The following PPARGC1A variants were observed in gnomAD, a reference collection of about 807,000 sequenced individuals.
The protein encoded by PPARGC1A is peroxisome proliferator-activated receptor gamma coactivator 1-alpha.
PPARGC1A carries 25 observed loss-of-function variants against 88.7 expected under a neutral mutation model. That is an observed-to-expected ratio of 0.28 (90% CI 0.21 to 0.39). The LOEUF (loss-of-function observed/expected upper bound fraction) is 0.39. PPARGC1A is among the 10% of genes least tolerant of loss of function. The probability of loss-of-function intolerance (pLI) is 1.00; values close to 1 mark genes in which losing one functional copy is unlikely to be tolerated. For synonymous variants in PPARGC1A, 363 were observed against 355.6 expected (o/e 1.02, Z -0.24); for missense variants, 880 against 968.7 (o/e 0.91, Z 1.22).
chr4:24,456,600 C>G, the PPARGC1A span, among the ~76,000 whole-genome samples: 1 of 151,978 alleles, frequency 6.6e-6, no homozygotes. Context: ...CAATCCAAGA[C>G]TAGGATTTTT....
the PPARGC1A span, among the ~76,000 whole-genome samples, chr4:24,359,053 A>G: frequency 1.3e-5 from 2 of 152,180 alleles, no homozygotes; most frequent in East Asian, 3.9e-4. Flanking sequence ...CTGTTGCTGT[A>G]CCTTTATTTA....
At chr4:24,261,855 TTTTTAAAGCTTCAGTTTA>T in the PPARGC1A span, among the ~76,000 whole-genome samples, 11 of 152,330 alleles carry the variant, frequency 7.2e-5, no homozygotes, top group Admixed American at 3.3e-4. Context: ...AGTGTATCCC[TTTTTAAAGCTTCAGTTTA>T]TTCTCTGAAT....
chr4:24,259,657 A>G, the PPARGC1A span, among the ~76,000 whole-genome samples: 1 of 152,202 alleles, frequency 6.6e-6, no homozygotes, highest in Non-Finnish European at 1.5e-5. Flanking sequence ...TGGGAGCAAT[A>G]GTATATACAG....
chr4:23,824,042 T>G (rs1458416765), intron 7 of PPARGC1A, among the ~76,000 whole-genome samples: 1 of 151,970 alleles, frequency 6.6e-6, no homozygotes, highest in African/African-American at 2.4e-5. Flanking sequence ...TGCAACCAAC[T>G]CAGAAGTTTG....
At chr4:24,221,734 C>T in the PPARGC1A span, among the ~76,000 whole-genome samples, 1 of 152,272 alleles carries the variant, frequency 6.6e-6, no homozygotes, top group South Asian at 2.1e-4. Flanking sequence ...GATCACACCA[C>T]TGTACTTCAG....
rs542246794 is a variant in PPARGC1A at position 23,884,688 on chromosome 4, A to G, written c.234+64T>C. The G allele has an allele frequency of 2.4e-5, 35 of 1,462,288 alleles. No individual in the cohort carries two copies. The African/African-American group carries it at 4.3e-4, about 18-fold the overall frequency. The allele number at this position is 1,462,288 out of a possible 1,614,324, so 90.6% of individuals were successfully genotyped here. On this transcript the variant is annotated intron_variant, in intron 2 of 12. Transcript: ENST00000264867. ...AACTCATTATGCATTCAGGTCTATT[A>G]CCATGTTAGTCGGGCCCAAGCCAAA...
At chr4:24,377,286 G>A in the PPARGC1A span, among the ~76,000 whole-genome samples, 1 of 151,938 alleles carries the variant, frequency 6.6e-6, no homozygotes, top group Admixed American at 6.6e-5. Flanking sequence ...GCCCAGAGTG[G>A]GGCAGCGGGG....
the PPARGC1A span, among the ~76,000 whole-genome samples, chr4:23,932,619 T>C: frequency 6.6e-6 from 1 of 151,632 alleles, no homozygotes; most frequent in Non-Finnish European, 1.5e-5. Context: ...AAAAATAAAA[T>C]ACAAGAAATG....
the PPARGC1A span, among the ~76,000 whole-genome samples, chr4:24,291,630 C>A: frequency 6.6e-6 from 1 of 152,220 alleles, no homozygotes; most frequent in African/African-American, 2.4e-5. Context: ...GCTATTGAAG[C>A]AGTAGAACCG....
At chr4:24,168,481 G>T in the PPARGC1A span, among the ~76,000 whole-genome samples, 2 of 152,168 alleles carry the variant, frequency 1.3e-5, no homozygotes, top group African/African-American at 2.4e-5. Context: ...TTCAGTTCTT[G>T]GTTTCTTACA....
At chr4:23,817,767 G>A (rs1234385461) in intron 7 of PPARGC1A, among the ~76,000 whole-genome samples, 1 of 152,122 alleles carries the variant, frequency 6.6e-6, no homozygotes, top group African/African-American at 2.4e-5. Context: ...ATATCTCAAA[G>A]CAAGATTGAG....
the PPARGC1A span, among the ~76,000 whole-genome samples, chr4:24,259,910 A>G: frequency 6.6e-6 from 1 of 152,068 alleles, no homozygotes; most frequent in African/African-American, 2.4e-5. Flanking sequence ...AAAATATAAT[A>G]AACACCTGTT....
At chr4:24,242,755 C>T in the PPARGC1A span, among the ~76,000 whole-genome samples, 2 of 152,174 alleles carry the variant, frequency 1.3e-5, no homozygotes, top group Non-Finnish European at 2.9e-5. Context: ...GCTCTCAGGA[C>T]TCCAGTCCTG....
chr4:24,410,884 C>G, the PPARGC1A span, among the ~76,000 whole-genome samples: 1 of 152,180 alleles, frequency 6.6e-6, no homozygotes, highest in Non-Finnish European at 1.5e-5. Context: ...GGCTTCCCTA[C>G]TTTTGAGGTT....
the PPARGC1A span, among the ~76,000 whole-genome samples, chr4:24,167,873 C>T: frequency 6.6e-6 from 1 of 152,142 alleles, no homozygotes; most frequent in African/African-American, 2.4e-5. Context: ...CTCACCTCAG[C>T]CTCCTGAGTA....
the PPARGC1A span, among the ~76,000 whole-genome samples, chr4:24,329,293 G>C: frequency 6.6e-6 from 1 of 150,660 alleles, no homozygotes; most frequent in Non-Finnish European, 1.5e-5. Context: ...AAAAGACTTA[G>C]CAATTTTGGG....
chr4:24,033,567 T>C, the PPARGC1A span, among the ~76,000 whole-genome samples: 1 of 152,224 alleles, frequency 6.6e-6, no homozygotes. Flanking sequence ...AGGGTTTTGC[T>C]ATTCCATTTA....
At chr4:24,012,678 C>T in the PPARGC1A span, among the ~76,000 whole-genome samples, 1 of 151,996 alleles carries the variant, frequency 6.6e-6, no homozygotes, top group African/African-American at 2.4e-5. Flanking sequence ...GGAGAACCTG[C>T]CAAAACCTTA....
At chr4:23,914,586 T>C in the PPARGC1A span, among the ~76,000 whole-genome samples, 11 of 152,214 alleles carry the variant, frequency 7.2e-5, no homozygotes, top group African/African-American at 1.2e-4. Context: ...AACACAAATG[T>C]GTTGAGAATG....
Sources: allele counts gnomAD v4.1 joint callset (sites outside exome capture counted in the v4.1 genomes callset), GRCh38; gene constraint gnomAD v4.1.1; transcripts MANE v1.5; gene names NCBI Gene and HGNC (gene_info 2026-07-23, HGNC 2026-07-21).